MOBP: variants seen among roughly 807,000 people sequenced by gnomAD.
The protein encoded by MOBP is myelin-associated oligodendrocyte basic protein.
Under a neutral mutation model 15.0 loss-of-function variants are expected in MOBP, and 5 were observed. That is an observed-to-expected ratio of 0.33 (90% CI 0.17 to 0.70). The LOEUF (loss-of-function observed/expected upper bound fraction) is 0.70. Among genes scored for constraint, MOBP ranks in the 30% least tolerant of loss-of-function variants. MOBP has a pLI of 0.67. For missense variants in MOBP, 188 were observed against 257.8 expected (o/e 0.73, Z 1.85); for synonymous variants, 88 against 99.0 (o/e 0.89, Z 0.66).
At position 39,468,777 on chromosome 3, in the gene MOBP, CATATATACATGTGTGTGT is replaced by C. The variant is rs1285352067; in HGVS notation, c.-89+1048_-89+1065del. Among the ~76,000 whole-genome samples, 25 of 91,778 alleles carry C rather than the reference CATATATACATGTGTGTGT, an allele frequency of 2.7e-4. 2 individuals carry two copies. The highest frequency in any genetic ancestry group is 1.5e-3 in the East Asian group (6 of 3,962). The allele number at this position is 91,778 out of a possible 152,430, so 60.2% of individuals were successfully genotyped here. A position where few individuals can be genotyped will look rare whatever the true frequency, so the allele number is the denominator to read the frequency against. On this transcript the variant is annotated intron_variant, in intron 1 of 3. Coordinates refer to ENST00000684792, the MANE Select transcript of MOBP (RefSeq NM_001393704.1). ...ATATATACATGTGTGTGTATATATA[CATATATACATGTGTGTGT>C]ATATATACATATGTGTGTGTATACA... is the stretch of plus-strand genomic sequence containing the variant.
intron 2 of MOBP, among the ~76,000 whole-genome samples, chr3:39,486,152 A>G (rs923735882): frequency 2.2e-4 from 33 of 152,184 alleles, no homozygotes; most frequent in African/African-American, 8.0e-4. Context: ...GCATGGTGTC[A>G]GGGTTAGGCA....
intron 4 of MOBP, among the ~76,000 whole-genome samples, chr3:39,509,788 T>C (rs1000447442): frequency 2.0e-5 from 3 of 152,068 alleles, no homozygotes; most frequent in Non-Finnish European, 4.4e-5. Flanking sequence ...TACCCCAGTT[T>C]CTTCACCTCT....
downstream of MOBP, chr3:39,503,136 A>G (rs549064839): frequency 6.2e-5 from 28 of 453,966 alleles, no homozygotes; most frequent in East Asian, 5.7e-4. Context: ...TAATCTATCA[A>G]TTGAGATTAT....
exon 4 of MOBP, chr3:39,524,325 C>T (rs556723917): frequency 1.1e-4 from 17 of 152,292 alleles, no homozygotes; most frequent in Non-Finnish European, 1.6e-4. Flanking sequence ...TATCCTTCCA[C>T]GGTAAGTAAA....
rs1349509161 is a variant in MOBP, at chr3:39,468,910, TGA to T, written c.-89+1172_-89+1173del. ...GTGTGTATATATACATATATACATA[TGA>T]GTGTGTATATATACATATATACATT... On this transcript the variant is annotated intron_variant, in intron 1 of 3. Coordinates refer to ENST00000684792, the MANE Select transcript of MOBP (RefSeq NM_001393704.1). 6.1e-4 allele frequency among the ~76,000 whole-genome samples: 64 copies of T among 105,278 alleles called. 24 individuals are homozygous for T. Among genetic ancestry groups the T allele is most frequent in the African/African-American group, 3.3e-3 (52 of 15,600 alleles). 69.1% of individuals were successfully genotyped at this position (105,278 alleles called of 152,430 possible).
intron 2 of MOBP, among the ~76,000 whole-genome samples, chr3:39,499,238 C>T (rs1427035601): frequency 2.0e-5 from 3 of 152,092 alleles, no homozygotes; most frequent in Non-Finnish European, 4.4e-5. Context: ...CTGAACTTCG[C>T]GACCTATGTA....
At chr3:39,509,120 A>G (rs1417344702) in intron 4 of MOBP, among the ~76,000 whole-genome samples, 1 of 142,564 alleles carries the variant, frequency 7.0e-6, no homozygotes, top group Non-Finnish European at 1.6e-5. Flanking sequence ...ATATATATAT[A>G]TGGATTCACA....
downstream of MOBP, among the ~76,000 whole-genome samples, chr3:39,518,356 T>TA (rs1371191126): frequency 1.1e-4 from 17 of 152,256 alleles, no homozygotes; most frequent in African/African-American, 3.6e-4. Flanking sequence ...GTCCTTTAGT[T>TA]AGGAGGTTTA....
intron 3 of MOBP, among the ~76,000 whole-genome samples, chr3:39,522,876 T>C (rs562004093): frequency 2.0e-5 from 3 of 152,318 alleles, no homozygotes; most frequent in African/African-American, 7.2e-5. Context: ...TATGACTTTC[T>C]TCCTAGTGGG....
At chr3:39,486,343 C>T (rs2042709559) in intron 2 of MOBP, among the ~76,000 whole-genome samples, 1 of 152,102 alleles carries the variant, frequency 6.6e-6, no homozygotes, top group African/African-American at 2.4e-5. Context: ...TATCTCATTC[C>T]ACGTGTTTGC....
chr3:39,493,424 T>G (rs561663528), intron 2 of MOBP, among the ~76,000 whole-genome samples: 3 of 152,198 alleles, frequency 2.0e-5, no homozygotes, highest in Non-Finnish European at 2.9e-5. Flanking sequence ...TTTAGAACTT[T>G]CAAGGTTAGT....
chr3:39,482,504 T>C (rs2042642559), intron 2 of MOBP, among the ~76,000 whole-genome samples: 2 of 151,790 alleles, frequency 1.3e-5, no homozygotes, highest in South Asian at 4.2e-4. Flanking sequence ...ATAAAAAAAT[T>C]AGCCGGCCGT....
rs2042401222 is a variant in MOBP, at chr3:39,468,953, T to TAC, written c.-89+1214_-89+1215insCA. Among the ~76,000 whole-genome samples, 3 of 118,396 alleles carry TAC rather than the reference T, an allele frequency of 2.5e-5. 1 individual carries two copies. Among genetic ancestry groups the TAC allele is most frequent in the African/African-American group, 1.3e-4 (3 of 22,246 alleles). The allele number at this position is 118,396 out of a possible 152,430, so 77.7% of individuals were successfully genotyped here. A position where few individuals can be genotyped will look rare whatever the true frequency, so the allele number is the denominator to read the frequency against. The stretch of plus-strand genomic sequence containing the variant: ...TATATACATTGTGTGTATATATACA[T>TAC]ATATACATATGTGTGTGTATATATA... On this transcript the variant is annotated intron_variant, in intron 1 of 3. Coordinates refer to ENST00000684792, the MANE Select transcript of MOBP (RefSeq NM_001393704.1).
At chr3:39,510,188 A>G (rs77819491) in intron 4 of MOBP, among the ~76,000 whole-genome samples, 6,445 of 152,168 alleles carry the variant, frequency 0.042, 194 homozygotes, top group Non-Finnish European at 0.065. Context: ...TAATTTATAT[A>G]TCTTTCCTTT....
At chr3:39,497,476 T>C (rs1032298416) in intron 2 of MOBP, among the ~76,000 whole-genome samples, 1 of 152,182 alleles carries the variant, frequency 6.6e-6, no homozygotes, top group Non-Finnish European at 1.5e-5. Context: ...TCCTATTCCT[T>C]GGGAGGAGGG....
At chr3:39,517,312 TTGTCATGA>T (rs1442679305), downstream of MOBP, among the ~76,000 whole-genome samples, 2 of 151,986 alleles carry the variant, frequency 1.3e-5, no homozygotes, top group Admixed American at 6.5e-5. Flanking sequence ...ATGAGAGAGG[TTGTCATGA>T]CCCCCATGGC....
chr3:39,491,262 G>A (rs2042791024), intron 2 of MOBP, among the ~76,000 whole-genome samples: 1 of 152,166 alleles, frequency 6.6e-6, no homozygotes, highest in South Asian at 2.1e-4. Context: ...GTGTGGTACG[G>A]ATTATAACAG....
At chr3:39,491,288 G>A (rs956829748) in intron 2 of MOBP, among the ~76,000 whole-genome samples, 4 of 152,112 alleles carry the variant, frequency 2.6e-5, no homozygotes, top group Non-Finnish European at 4.4e-5. Flanking sequence ...TAATCTCACC[G>A]GTCACTCATA....
chr3:39,515,593 T>G lies in MOBP; in HGVS notation c.*2210T>G, dbSNP rs181273023. 5 of 152,326 alleles carry G rather than the reference T, an allele frequency of 3.3e-5. No homozygotes were observed. The East Asian group carries it at 9.7e-4, about 29-fold the overall frequency. 9.4% of individuals were successfully genotyped at this position (152,326 alleles called of 1,614,324 possible). A position where few individuals can be genotyped will look rare whatever the true frequency, so the allele number is the denominator to read the frequency against. ...CCTACCCAGCAAGACTACACTTTCT[T>G]GCCTTCTTTCTATTTTTTCTTTTTG... On this transcript the variant is annotated 3_prime_UTR_variant, in exon 5 of 5. Transcript: ENST00000311042.
Sources: allele counts gnomAD v4.1 joint callset (sites outside exome capture counted in the v4.1 genomes callset), GRCh38; gene constraint gnomAD v4.1.1; transcripts MANE v1.5; gene names NCBI Gene and HGNC (gene_info 2026-07-23, HGNC 2026-07-21).